TECR: variants seen among roughly 807,000 people sequenced by gnomAD.
The protein encoded by TECR is very-long-chain enoyl-CoA reductase.
A neutral mutation model predicts 50.6 loss-of-function variants in TECR; 19 were observed. The observed-to-expected ratio is 0.38, with a 90% confidence interval of 0.26 to 0.55. TECR has a LOEUF of 0.55. Ranked by LOEUF, TECR falls within the 20% of genes least tolerant of loss-of-function variation. The pLI is 0.79. For synonymous variants in TECR, 168 were observed against 163.5 expected (o/e 1.03, Z -0.21); for missense variants, 313 against 408.3 (o/e 0.77, Z 2.01).
At chr19:14,549,554 T>A (rs574876073) in intron 1 of TECR, among the ~76,000 whole-genome samples, 1 of 151,994 alleles carries the variant, frequency 6.6e-6, no homozygotes. Flanking sequence ...CTCAAACTCT[T>A]GGGCTCAAGT....
intron 9 of TECR, 32 bp from the exon 10 acceptor site, chr19:14,565,034 G>A (rs772543424): frequency 6.2e-7 from 1 of 1,613,880 alleles, no homozygotes; most frequent in South Asian, 1.1e-5. Flanking sequence ...GGGAGTCTGG[G>A]CGGCCCTAGG....
At chr19:14,528,487 C>CT (rs2072488466), upstream of TECR, among the ~76,000 whole-genome samples, 2 of 151,956 alleles carry the variant, frequency 1.3e-5, no homozygotes, top group Non-Finnish European at 2.9e-5. Context: ...ATCTGCCCCC[C>CT]TCGGCCTCCC....
At chr19:14,540,089 T>G (rs901731719) in intron 1 of TECR, among the ~76,000 whole-genome samples, 13 of 142,764 alleles carry the variant, frequency 9.1e-5, no homozygotes, top group Non-Finnish European at 2.0e-4. Flanking sequence ...AGACGGAGTC[T>G]CGCTCTGTCG....
intron 1 of TECR, among the ~76,000 whole-genome samples, chr19:14,555,478 C>CTCTA (rs1458049856): frequency 7.8e-6 from 1 of 127,912 alleles, no homozygotes; most frequent in Non-Finnish European, 1.6e-5. Flanking sequence ...CAGAGCCTCA[C>CTCTA]TCTATTGCCC....
intron 1 of TECR, among the ~76,000 whole-genome samples, chr19:14,554,814 CTG>C (rs2073661052): frequency 6.6e-6 from 1 of 151,968 alleles, no homozygotes; most frequent in African/African-American, 2.4e-5. Context: ...GAGTTTCACT[CTG>C]TCACCAGGTT....
At chr19:14,536,062 T>TA (rs2072886818) in intron 1 of TECR, among the ~76,000 whole-genome samples, 2 of 152,070 alleles carry the variant, frequency 1.3e-5, no homozygotes, top group South Asian at 4.1e-4. Flanking sequence ...TCTGTAAAGT[T>TA]ACAGATGAGG....
At chr19:14,530,437 C>A (rs913275774) in intron 1 of TECR, 1 of 152,196 alleles carries the variant, frequency 6.6e-6, no homozygotes, top group East Asian at 1.9e-4. Context: ...AACCAATTAT[C>A]CCTGAATTAT....
intron 1 of TECR, among the ~76,000 whole-genome samples, chr19:14,536,294 G>T (rs1267996475): frequency 6.8e-6 from 1 of 147,998 alleles, no homozygotes; most frequent in Non-Finnish European, 1.5e-5. Context: ...TCGTGAGACA[G>T]AGTCCCCCTC....
At chr19:14,553,985 G>T (rs2073630653) in intron 1 of TECR, among the ~76,000 whole-genome samples, 1 of 152,220 alleles carries the variant, frequency 6.6e-6, no homozygotes, top group South Asian at 2.1e-4. Context: ...ACCAGGAAGT[G>T]CAGTCCCCTG....
In TECR at chr19:14,545,641, G is replaced by A. The variant is rs1187936146; in HGVS notation, c.15+15930G>A. 9 of 194,272 alleles carry A rather than the reference G, an allele frequency of 4.6e-5. No homozygotes were observed. The South Asian group carries it at 6.2e-4, about 13-fold the overall frequency. The allele number at this position is 194,272 out of a possible 1,614,324, so 12.0% of individuals were successfully genotyped here. A position where few individuals can be genotyped will look rare whatever the true frequency, so the allele number is the denominator to read the frequency against. Reference sequence around the variant, plus strand: ...CCCAGCAGCTGGCACAGGCAGGCCCGACGCAGCAAGGGGCACAGTCCGTGT... The same window carrying A: ...CCCAGCAGCTGGCACAGGCAGGCCCAACGCAGCAAGGGGCACAGTCCGTGT... On this transcript the variant is annotated intron_variant, in intron 1 of 12. Coordinates refer to ENST00000215567, the MANE Select transcript of TECR (RefSeq NM_138501.6).
In TECR at chr19:14,565,228, C is replaced by G. The variant is rs1374040102; in HGVS notation, c.691C>G (p.Pro231Ala). The G allele has an allele frequency of 3.1e-6, 5 of 1,614,048 alleles. No individual in the cohort carries two copies. Among genetic ancestry groups the G allele is most frequent in the Non-Finnish European group, 4.2e-6 (5 of 1,180,020 alleles). ...AGSKTRKIPY[P>A]TKNPFTWLFL... is the part of the protein sequence containing the mutation. ...GTCCAAGACGCGGAAGATCCCATACCCCACCAAGAACCCCTTCACGTGGCT... is the reference window on the plus strand; with the variant it reads ...GTCCAAGACGCGGAAGATCCCATACGCCACCAAGAACCCCTTCACGTGGCT... The change falls in exon 11 of 13, where the codon CCC (proline) becomes GCC (alanine). Residue 231 changes from proline to alanine, a missense_variant. By Grantham distance (27) the Pro-to-Ala change is conservative. Coordinates refer to ENST00000215567, the MANE Select transcript of TECR (RefSeq NM_138501.6).
intron 1 of TECR, among the ~76,000 whole-genome samples, chr19:14,543,408 T>TA (rs2073178509): frequency 1.9e-4 from 2 of 10,310 alleles, no homozygotes; most frequent in African/African-American, 3.1e-4. Context: ...TATATATATA[T>TA]ATATATATAT....
intron 1 of TECR, among the ~76,000 whole-genome samples, chr19:14,546,984 T>C (rs1338524230): frequency 2.0e-5 from 3 of 152,306 alleles, no homozygotes; most frequent in East Asian, 1.9e-4. Flanking sequence ...CATGAGCCAC[T>C]GCACCCAGCC....
chr19:14,561,658 G>T (rs2146628280), intron 1 of TECR, among the ~76,000 whole-genome samples: 1 of 152,284 alleles, frequency 6.6e-6, no homozygotes, highest in Middle Eastern at 3.4e-3. Context: ...TGGGGAGGAA[G>T]GTTGGGGAGA....
At chr19:14,555,425 ATTTTTATTTATTCT>A (rs1480696881) in intron 1 of TECR, among the ~76,000 whole-genome samples, 1 of 75,184 alleles carries the variant, frequency 1.3e-5, no homozygotes, top group Non-Finnish European at 2.8e-5. Context: ...ATTTTTTTGT[ATTTTTATTTATTCT>A]TTTTTTTTTT....
chr19:14,546,211 G>A (rs1031146043), intron 1 of TECR, among the ~76,000 whole-genome samples: 2 of 152,088 alleles, frequency 1.3e-5, no homozygotes, highest in Admixed American at 6.6e-5. Context: ...AGACATTTCC[G>A]ATCATAGATC....
intron 1 of TECR, chr19:14,531,159 T>A (rs1291734136): frequency 6.6e-6 from 1 of 152,044 alleles, no homozygotes; most frequent in African/African-American, 2.4e-5. Flanking sequence ...CTCAGCCTCC[T>A]GAATAGCTGG....
At chr19:14,560,229 G>C (rs1978626) in intron 1 of TECR, among the ~76,000 whole-genome samples, 90,776 of 151,676 alleles carry the variant, frequency 0.6, 28,140 homozygotes, top group African/African-American at 0.76. Flanking sequence ...GGGGGAGCAG[G>C]GTACGATTTC....
rs879408244 is a variant in TECR at position 14,563,343 on chromosome 19, T to TGC, written c.118+86_118+87insGC. On this transcript the variant is annotated intron_variant, in intron 3 of 12. Coordinates refer to ENST00000215567, the MANE Select transcript of TECR (RefSeq NM_138501.6). This position sits in a 1 kb window ranked among gnomAD's most constrained non-coding sequence, Gnocchi z 5.3. Reference sequence around the variant, plus strand: ...GGAGGGATCCCATCCTGCACCCCTCTCCCAGGGGCCTGCAGAGATGCCCCA... The same window carrying TGC: ...GGAGGGATCCCATCCTGCACCCCTCTGCCCCAGGGGCCTGCAGAGATGCCCCA... The TGC allele has an allele frequency of 9.5e-3, 12,434 of 1,305,550 alleles. 896 individuals are homozygous for TGC. The African/African-American group carries it at 0.16, about 16-fold the overall frequency. The allele number at this position is 1,305,550 out of a possible 1,614,324, so 80.9% of individuals were successfully genotyped here. A position where few individuals can be genotyped will look rare whatever the true frequency, so the allele number is the denominator to read the frequency against.
Sources: gnomAD v4.1 joint callset for allele counts (sites outside exome capture counted in the v4.1 genomes callset) on GRCh38, gnomAD v4.1.1 for gene constraint, Gnocchi (gnomAD v3.1) non-coding constraint, MANE v1.5 for transcripts, NCBI Gene and HGNC (gene_info 2026-07-23, HGNC 2026-07-21) for gene names.